SLC16A4: variants seen among roughly 807,000 people sequenced by gnomAD.
The protein encoded by SLC16A4 is solute carrier family 16 member 4.
A neutral mutation model predicts 47.9 loss-of-function variants in SLC16A4; 39 were observed. The ratio of observed to expected loss-of-function variants is 0.81; its 90% CI spans 0.63 to 1.06. The LOEUF (loss-of-function observed/expected upper bound fraction) is 1.06. SLC16A4 is among the 50% of genes least tolerant of loss of function. SLC16A4 has a pLI of 0.00. For missense variants in SLC16A4, 524 were observed against 573.8 expected (o/e 0.91, Z 0.89); for synonymous variants, 189 against 199.9 (o/e 0.95, Z 0.46).
chr1:110,369,285 T>G (rs1661568617), intron 8 of SLC16A4, among the ~76,000 whole-genome samples: 1 of 151,808 alleles, frequency 6.6e-6, no homozygotes, highest in South Asian at 2.1e-4. Context: ...ACTATGTAAG[T>G]TTACTATTGG....
rs1248493001 is a variant in SLC16A4 at position 110,363,769 on chromosome 1, G to A, written c.1461C>T (p.Thr487=). The change falls in exon 9 of 9, where the codon ACC becomes ACT. Residue 487 remains threonine (T), a synonymous_variant. Transcript: ENST00000369779. ...CTTGATTGCAGTCTTCTTTCTTTCA[G>A]GTCAGACTGTTTTTCCATCTTTCGG... ...PLAERWKNSL[T] is the part of the protein sequence containing the mutation. 6.8e-6 allele frequency: 11 copies of A among 1,606,130 alleles called. No homozygotes were observed. Among genetic ancestry groups the A allele is most frequent in the Non-Finnish European group, 9.3e-6 (11 of 1,177,112 alleles).
At position 110,375,448 on chromosome 1, in the gene SLC16A4, A is replaced by G. The variant is rs778537974; in HGVS notation, c.1336+10T>C. The G allele has an allele frequency of 6.5e-7, 1 of 1,541,886 alleles. No individual in the cohort carries two copies. ...ATTGAAATTTGTTCAGAATGTGGTG[A>G]AGGTGTTACCTGCTATAGGTGGTCC... On this transcript the variant is annotated intron_variant, in intron 8 of 8. Transcript: ENST00000369779.
Position 110,381,078 on chromosome 1 carries a change from A to G in SLC16A4, c.430T>C (p.Leu144=), listed in dbSNP as rs140247089. 9.4e-4 allele frequency: 1,521 copies of G among 1,614,142 alleles called. 3 individuals carry two copies. Among genetic ancestry groups the G allele is most frequent in the Non-Finnish European group, 1.2e-3 (1,383 of 1,179,986 alleles). Residue 144 remains leucine (L), a synonymous_variant, in exon 5 of 9, where the codon TTG becomes CTG. Coordinates refer to ENST00000369779, the MANE Select transcript of SLC16A4 (RefSeq NM_004696.3). The part of the protein sequence containing the change: ...VVTTKYFKKR[L]ALSTAIARSG... ...CGGGCAATAGCTGTAGAAAGAGCCA[A>G]TCGTTTTTTGAAGTATTTGGTAGTT...
Position 110,382,813 on chromosome 1 carries a change from AG to A in SLC16A4, c.220+20del. ...TTGTGGTTCTTCTCCTTAGACAGCA[AG>A]CTTATTGCCAGCTTTATACCTGCAC... On this transcript the variant is annotated intron_variant, in intron 3 of 8. Transcript: ENST00000369779. The A allele has an allele frequency of 1.9e-6, 3 of 1,553,858 alleles. No individual in the cohort carries two copies. The Middle Eastern group carries it at 5.2e-4, about 267-fold the overall frequency.
chr1:110,370,270 T>C (rs924451055), intron 8 of SLC16A4: 3 of 152,044 alleles, frequency 2.0e-5, no homozygotes, highest in Admixed American at 2.0e-4. Flanking sequence ...ACAGAACATA[T>C]AGAGGACAGG....
Position 110,379,028 on chromosome 1 carries a change from C to T in SLC16A4, c.855G>A (p.Trp285Ter). ...SDEESDKVIS[W>*]SCKQLFDISL... The stretch of plus-strand genomic sequence containing the variant: ...AAATGTCAAACAGTTGTTTGCAGCT[C>T]CACGAAATAACCTTATCACTTTCTT... Residue 285 changes from tryptophan to a stop codon, truncating the protein, a stop_gained, in exon 6 of 9, where the codon TGG (tryptophan) becomes TGA (stop). Transcript: ENST00000369779. LOFTEE classifies it high-confidence loss of function. 2 of 1,614,194 alleles carry T rather than the reference C, an allele frequency of 1.2e-6. No individual in the cohort carries two copies. Among genetic ancestry groups the T allele is most frequent in the East Asian group, 2.2e-5 (1 of 44,874 alleles).
intron 8 of SLC16A4, among the ~76,000 whole-genome samples, chr1:110,374,227 G>T (rs1661853781): frequency 4.6e-5 from 7 of 151,894 alleles, no homozygotes; most frequent in Admixed American, 4.6e-4. Context: ...TTTTAGTAGA[G>T]ACCGGGTTTC....
intron 8 of SLC16A4, chr1:110,371,702 T>C (rs1661693383): frequency 6.6e-6 from 1 of 152,192 alleles, no homozygotes; most frequent in South Asian, 2.1e-4. Context: ...TGTGTGACAT[T>C]TGGCCTACAC....
intron 6 of SLC16A4, among the ~76,000 whole-genome samples, chr1:110,377,581 T>C (rs1203884012): frequency 6.6e-6 from 1 of 152,108 alleles, no homozygotes; most frequent in African/African-American, 2.4e-5. Context: ...TTGTAGAAGA[T>C]TGGAGTATAA....
At position 110,363,887 on chromosome 1, in the gene SLC16A4, A is replaced by G. The variant is rs1403528729; in HGVS notation, c.1343T>C (p.Leu448Ser). 6.2e-7 allele frequency: 1 copy of G among 1,606,404 alleles called. No homozygotes were observed. The highest frequency in any genetic ancestry group is 1.7e-5 in the Admixed American group (1 of 58,574). Residue 448 changes from leucine to serine, a missense_variant, in exon 9 of 9, where the codon TTA (leucine) becomes TCA (serine). Physicochemically the swap from Leu to Ser is moderately radical, Grantham distance 145 (BLOSUM62 -2). Coordinates refer to ENST00000369779, the MANE Select transcript of SLC16A4 (RefSeq NM_004696.3). The part of the protein sequence containing the change: ...VLSGPPIAGW[L>S]YDYTQTYNGS... ...ATTGTATGTCTGGGTATAATCATAT[A>G]ACCAGCCTGGAAGGAAGGAATGATT...
chr1:110,375,722 G>A (rs1282888587), intron 7 of SLC16A4, among the ~76,000 whole-genome samples, 171 bp from the exon 8 acceptor site: 1 of 152,198 alleles, frequency 6.6e-6, no homozygotes. Context: ...AGGACTAATA[G>A]CGAACAGTAA....
chr1:110,389,379 A>G (rs965811558), intron 1 of SLC16A4, 24 bp from the exon 2 acceptor site: 14 of 1,317,300 alleles, frequency 1.1e-5, no homozygotes, highest in Middle Eastern at 3.6e-4. Flanking sequence ...AAGACAGTTG[A>G]TTCAGTGGAC....
intron 7 of SLC16A4, among the ~76,000 whole-genome samples, chr1:110,376,746 C>T (rs1277938244): frequency 6.6e-6 from 1 of 152,078 alleles, no homozygotes; most frequent in Non-Finnish European, 1.5e-5. Context: ...TTATTCCTGT[C>T]CCATGTGGAT....
chr1:110,385,815 TA>T lies in SLC16A4; in HGVS notation c.88-2850del, dbSNP rs536761084. ...ACGCCAGGACTATATATTCAAAAGT[TA>T]AAAAGACATTTTATCAGGCCCCCAT... On this transcript the variant is annotated intron_variant, in intron 2 of 8. Coordinates refer to ENST00000369779, the MANE Select transcript of SLC16A4 (RefSeq NM_004696.3). 3.1e-4 allele frequency among the ~76,000 whole-genome samples: 47 copies of T among 152,358 alleles called. No homozygotes were observed. The East Asian group carries it at 8.9e-3, about 29-fold the overall frequency.
At chr1:110,382,563 C>T (rs1662466662) in intron 3 of SLC16A4, among the ~76,000 whole-genome samples, 1 of 152,112 alleles carries the variant, frequency 6.6e-6, no homozygotes, top group African/African-American at 2.4e-5. Context: ...TATATTAAGG[C>T]ATTAACAGAC....
intron 1 of SLC16A4, among the ~76,000 whole-genome samples, chr1:110,389,794 T>C (rs192544866): frequency 6.6e-6 from 1 of 152,262 alleles, no homozygotes; most frequent in East Asian, 1.9e-4. Flanking sequence ...AGCAAATTGA[T>C]GCAGAAACAA....
rs755806910 is a variant in SLC16A4, at chr1:110,382,922, G to T, written c.132C>A (p.Phe44Leu). The T allele has an allele frequency of 6.2e-7, 1 of 1,612,450 alleles. No individual in the cohort carries two copies. The highest frequency in any genetic ancestry group is 2.2e-5 in the East Asian group (1 of 44,816). ...VMGMTKTFAI[F>L]FVVFQEEFEG... ...CAAACTCTTCTTGAAAGACCACAAA[G>T]AAAATTGCAAAAGTCTTGGTCATCC... The change falls in exon 3 of 9, where the codon TTC (phenylalanine) becomes TTA (leucine). Residue 44 changes from phenylalanine (F) to leucine (L), a missense_variant. Coordinates refer to ENST00000369779, the MANE Select transcript of SLC16A4 (RefSeq NM_004696.3).
rs1420338946 is a variant in SLC16A4, at chr1:110,379,107, C to G, written c.776G>C (p.Ser259Thr). The G allele has an allele frequency of 6.2e-7, 1 of 1,614,136 alleles. No individual in the cohort carries two copies. Among genetic ancestry groups the G allele is most frequent in the East Asian group, 2.2e-5 (1 of 44,904 alleles). ...GTTAGGCCCATTGTAGAACTCTTCA[C>G]TTTGATTTTGTGAGACTGTTAAATT... ...SKNLTVSQNQ[S>T]EEFYNGPNRN... The change falls in exon 6 of 9, where the codon AGT (serine) becomes ACT (threonine). Residue 259 changes from serine to threonine, a missense_variant. Ser to Thr is a moderately conservative substitution (Grantham distance 58, BLOSUM62 1). Coordinates refer to ENST00000369779, the MANE Select transcript of SLC16A4 (RefSeq NM_004696.3).
At chr1:110,375,370 A>G in intron 8 of SLC16A4, 88 bp downstream of exon 8, 1 of 777,038 alleles carries the variant, frequency 1.3e-6, no homozygotes, top group Non-Finnish European at 2.3e-6. Flanking sequence ...TTAACCTGAT[A>G]CCATCATTAC....
Sources: gnomAD v4.1 joint callset for allele counts (sites outside exome capture counted in the v4.1 genomes callset) on GRCh38, gnomAD v4.1.1 for gene constraint, MANE v1.5 for transcripts, NCBI Gene and HGNC (gene_info 2026-07-23, HGNC 2026-07-21) for gene names.